Variants in GIT1 observed in about 807,000 individuals in gnomAD.
GIT1 encodes the protein GIT ArfGAP 1, also known as ARF GTPase-activating protein GIT1.
In GIT1, 14 loss-of-function variants were observed where a neutral mutation model predicts 91.7. The observed-to-expected ratio is 0.15, with a 90% confidence interval of 0.10 to 0.24. GIT1 has a LOEUF of 0.24. Among genes scored for constraint, GIT1 ranks in the 10% least tolerant of loss-of-function variants. GIT1 has a pLI of 1.00. For missense variants in GIT1, 717 were observed against 1,024.9 expected, an observed-to-expected ratio of 0.70 and a Z score of 4.10; for synonymous variants, 414 against 418.2, an observed-to-expected ratio of 0.99 and a Z score of 0.12.
Position 29,581,498 on chromosome 17 carries a change from A to G in GIT1, c.719-118T>C. Reference sequence around the variant, plus strand: ...CCAGAAGTGTCAGGGGAAAGTGGGGAGGGCAGGCCACCCCCAAGAATGCTG... The same window carrying G: ...CCAGAAGTGTCAGGGGAAAGTGGGGGGGGCAGGCCACCCCCAAGAATGCTG... On this transcript the variant is annotated intron_variant, in intron 6 of 19. Coordinates refer to ENST00000225394, the MANE Select transcript of GIT1 (RefSeq NM_014030.4). This position sits in a 1 kb window ranked among gnomAD's most constrained non-coding sequence, Gnocchi z 4.8. 1.2e-6 allele frequency: 1 copy of G among 845,538 alleles called. No individual in the cohort carries two copies. Among genetic ancestry groups the G allele is most frequent in the Non-Finnish European group, 2.0e-6 (1 of 499,928 alleles). 52.4% of individuals were successfully genotyped at this position (845,538 alleles called of 1,614,324 possible).
chr17:29,588,853 C>T (rs2033694569), intron 1 of GIT1, among the ~76,000 whole-genome samples: 2 of 152,352 alleles, frequency 1.3e-5, no homozygotes, highest in African/African-American at 4.8e-5. Context: ...ATCTGCCCGG[C>T]CCTCTGCTCC....
In GIT1 at chr17:29,577,171, C is replaced by T. The variant is rs747932714; in HGVS notation, c.1058G>A (p.Arg353Gln). 9 of 1,613,968 alleles carry T rather than the reference C, an allele frequency of 5.6e-6. No individual in the cohort carries two copies. The East Asian group carries it at 8.9e-5, about 16-fold the overall frequency. The change falls in exon 11 of 20, where the codon CGG becomes CAG. Residue 353 changes from arginine to glutamine, a missense_variant. Around this residue, in one of 3 missense-constraint regions of GIT1, gnomAD observed 312 missense variants for 349.5 expected, o/e 0.89. Transcript: ENST00000225394. ...GCTCAGGCTCTTGCCCTGCTGTCTC[C>T]GCTTGGCCTCACTGAGAATGTCGAT... The part of the protein sequence containing the change: ...LIIDILSEAK[R>Q]RQQGKSLSSP...
rs75592407 is a variant in GIT1 at position 29,579,013 on chromosome 17, G to A, written c.762-234C>T. The A allele has an allele frequency of 8.1e-4, 1,311 of 1,612,802 alleles. 15 individuals are homozygous for A. The African/African-American group carries it at 0.015, about 19-fold the overall frequency. On this transcript the variant is annotated intron_variant, in intron 7 of 19. Coordinates refer to ENST00000225394, the MANE Select transcript of GIT1 (RefSeq NM_014030.4). ...TCTAAGTCCAGAGGAAGGCAGCAGA[G>A]GGAAGAACAGGACAGAGGCGGCAGT... is the stretch of plus-strand genomic sequence containing the variant.
rs1399810874 is a variant in GIT1 at position 29,579,001 on chromosome 17, G to T, written c.762-222C>A. 1.9e-6 allele frequency: 3 copies of T among 1,613,712 alleles called. No homozygotes were observed. The East Asian group carries it at 6.7e-5, about 36-fold the overall frequency. On this transcript the variant is annotated intron_variant, in intron 7 of 19. Transcript: ENST00000225394. Reference sequence around the variant, plus strand: ...CTTTTGCCGAGATCTAAGTCCAGAGGAAGGCAGCAGAGGGAAGAACAGGAC... The same window carrying T: ...CTTTTGCCGAGATCTAAGTCCAGAGTAAGGCAGCAGAGGGAAGAACAGGAC...
rs1415390794 is a variant in GIT1, at chr17:29,576,366, C to G, written c.1465G>C (p.Glu489Gln). The change falls in exon 14 of 20, where the codon GAA becomes CAA. Residue 489 changes from glutamate to glutamine, a missense_variant. By Grantham distance (29) the Glu-to-Gln change is conservative. Coordinates refer to ENST00000225394, the MANE Select transcript of GIT1 (RefSeq NM_014030.4). ...CCGCCTGGCGCCATGGGTGTGTGTT[C>G]CGCCCGTTCACTGGGGAGTGGAGGT... is the stretch of plus-strand genomic sequence containing the variant. ...PTPPLPSERA[E>Q]HTPMAPGGST... The G allele has an allele frequency of 6.2e-7, 1 of 1,613,362 alleles. No individual in the cohort carries two copies. The highest frequency in any genetic ancestry group is 8.5e-7 in the Non-Finnish European group (1 of 1,179,984).
rs929489760 is a variant in GIT1 at position 29,578,609 on chromosome 17, A to G, written c.810+122T>C. The G allele has an allele frequency of 9.4e-6, 9 of 952,940 alleles. No homozygotes were observed. The African/African-American group carries it at 1.1e-4, about 12-fold the overall frequency. The allele number at this position is 952,940 out of a possible 1,614,324, so 59.0% of individuals were successfully genotyped here. The stretch of plus-strand genomic sequence containing the variant: ...GGAGAGGGGACTGCTGAGGCCAGTG[A>G]GGGGACAGGTCAAAGACTTGGAAAA... On this transcript the variant is annotated intron_variant, in intron 8 of 19. Coordinates refer to ENST00000225394, the MANE Select transcript of GIT1 (RefSeq NM_014030.4).
Position 29,577,653 on chromosome 17 carries a change from G to T in GIT1, c.973C>A (p.Arg325=), listed in dbSNP as rs1373004605. ...LPVNPEYSAT[R]NQGRQKLARF... ...CAATCCAGCCCCCTCACCTGATTCC[G>T]CGTGGCTGAGTATTCCGGGTTAACA... Residue 325 remains arginine, a synonymous_variant, in exon 10 of 20, where the codon CGG becomes AGG. Transcript: ENST00000225394. The T allele has an allele frequency of 1.2e-6, 2 of 1,601,482 alleles. No individual in the cohort carries two copies. The highest frequency in any genetic ancestry group is 1.7e-5 in the Admixed American group (1 of 59,988).
Position 29,576,066 on chromosome 17 carries a change from C to A in GIT1, c.1665+12G>T. The A allele has an allele frequency of 6.2e-7, 1 of 1,612,836 alleles. No individual in the cohort carries two copies. Among genetic ancestry groups the A allele is most frequent in the Non-Finnish European group, 8.5e-7 (1 of 1,179,114 alleles). On this transcript the variant is annotated intron_variant, in intron 15 of 19. Transcript: ENST00000225394. ...CTACTGGCTAAGATGGACACGCCTTCCCCAGGCTTACCCGGTAAAGGCCAG... is the reference window on the plus strand; with the variant it reads ...CTACTGGCTAAGATGGACACGCCTTACCCAGGCTTACCCGGTAAAGGCCAG...
chr17:29,575,277 C>T lies in GIT1; in HGVS notation c.2009+11G>A. ...AACTGCATCCCCCTCACCTCCCCCT[C>T]CACTCAGTACCTGTCATGCTTGAAC... On this transcript the variant is annotated intron_variant, in intron 18 of 19. Coordinates refer to ENST00000225394, the MANE Select transcript of GIT1 (RefSeq NM_014030.4). The surrounding 1 kb of genome is among the most constrained non-coding windows in gnomAD (Gnocchi z 5.5). The T allele has an allele frequency of 6.2e-7, 1 of 1,605,236 alleles. No homozygotes were observed. Among genetic ancestry groups the T allele is most frequent in the South Asian group, 1.1e-5 (1 of 90,198 alleles).
rs2033725131 is a variant in GIT1, at chr17:29,589,315, C to T, written c.52+12G>A. On this transcript the variant is annotated intron_variant, in intron 1 of 19. Coordinates refer to ENST00000225394, the MANE Select transcript of GIT1 (RefSeq NM_014030.4). The surrounding 1 kb of genome is among the most constrained non-coding windows in gnomAD (Gnocchi z 5.2). ...GGCTGTGCGGTCCCGCCCCCGGCCC[C>T]GCCGCGCTTACCCGGGGCGCTGCAG... 2 of 1,035,832 alleles carry T rather than the reference C, an allele frequency of 1.9e-6. No individual in the cohort carries two copies. The highest frequency in any genetic ancestry group is 2.3e-6 in the Non-Finnish European group (2 of 861,204). 64.2% of individuals were successfully genotyped at this position (1,035,832 alleles called of 1,614,324 possible).
intron 19 of GIT1, 61 bp from the exon 20 acceptor site, chr17:29,574,975 C>A: frequency 6.7e-7 from 1 of 1,494,690 alleles, no homozygotes. Flanking sequence ...AGATCAGGGC[C>A]CAGTTTGTCT....
Position 29,575,008 on chromosome 17 carries a change from C to A in GIT1, c.2073+71G>T. 2 of 1,476,770 alleles carry A rather than the reference C, an allele frequency of 1.4e-6. No homozygotes were observed. Among genetic ancestry groups the A allele is most frequent in the South Asian group, 2.5e-5 (2 of 81,228 alleles). 91.5% of individuals were successfully genotyped at this position (1,476,770 alleles called of 1,614,324 possible). A position where few individuals can be genotyped will look rare whatever the true frequency, so the allele number is the denominator to read the frequency against. ...TCTGTGTCTCCACCCAGGTAGCGAT[C>A]AGATGGGATTCTCCACGCCTGCCCC... On this transcript the variant is annotated intron_variant, in intron 19 of 19. Transcript: ENST00000225394. This position sits in a 1 kb window ranked among gnomAD's most constrained non-coding sequence, Gnocchi z 5.5.
chr17:29,581,274 T>G lies in GIT1; in HGVS notation c.761+64A>C, dbSNP rs1210800338. The G allele has an allele frequency of 3.7e-5, 47 of 1,257,304 alleles. 1 individual carries two copies. In the South Asian group the frequency reaches 3.8e-4, roughly 10 times the overall value. The allele number at this position is 1,257,304 out of a possible 1,614,324, so 77.9% of individuals were successfully genotyped here. ...CCTCTGAAACCTGGGCTGGGAGCTC[T>G]GGGGGTCAGCCACCCACATGGCATC... On this transcript the variant is annotated intron_variant, in intron 7 of 19. Transcript: ENST00000225394. This position sits in a 1 kb window ranked among gnomAD's most constrained non-coding sequence, Gnocchi z 4.8.
chr17:29,578,824 G>A (rs1325129812), intron 7 of GIT1, 45 bp from the exon 8 acceptor site: 1 of 1,597,724 alleles, frequency 6.3e-7, no homozygotes, highest in Non-Finnish European at 8.6e-7. Context: ...GGAGAGACCT[G>A]AGAGGTGGCC....
intron 1 of GIT1, among the ~76,000 whole-genome samples, chr17:29,585,477 T>C (rs2033564477): frequency 6.6e-6 from 1 of 152,096 alleles, no homozygotes; most frequent in Non-Finnish European, 1.5e-5. Context: ...AGACCAGATG[T>C]GGTGAGTGAC....
intron 8 of GIT1, 133 bp downstream of exon 8, chr17:29,578,598 T>G: frequency 1.1e-6 from 1 of 902,474 alleles, no homozygotes; most frequent in South Asian, 1.3e-5. Flanking sequence ...AGGGGACTGC[T>G]GAGGCCAGTG....
In GIT1 at chr17:29,575,038, C is replaced by A; in HGVS notation, c.2073+41G>T. 2 of 1,521,180 alleles carry A rather than the reference C, an allele frequency of 1.3e-6. No homozygotes were observed. Among genetic ancestry groups the A allele is most frequent in the Non-Finnish European group, 9.0e-7 (1 of 1,115,426 alleles). 94.2% of individuals were successfully genotyped at this position (1,521,180 alleles called of 1,614,324 possible). A position where few individuals can be genotyped will look rare whatever the true frequency, so the allele number is the denominator to read the frequency against. The stretch of plus-strand genomic sequence containing the variant: ...GGGATTCTCCACGCCTGCCCCAGCT[C>A]GAGGCCCTCCCACTCCTGGTCCTCT... On this transcript the variant is annotated intron_variant, in intron 19 of 19. Transcript: ENST00000225394. This position sits in a 1 kb window ranked among gnomAD's most constrained non-coding sequence, Gnocchi z 5.5.
Position 29,575,487 on chromosome 17 carries a change from G to A in GIT1, c.1827-17C>T, listed in dbSNP as rs1283833492. ...CCTTCCAGCCTGAGGCCCAGGTCCA[G>A]AAAACAGAGACAAAGATACATATAG... On this transcript the variant is annotated splice_polypyrimidine_tract_variant and intron_variant, in intron 17 of 19. Coordinates refer to ENST00000225394, the MANE Select transcript of GIT1 (RefSeq NM_014030.4). The surrounding 1 kb of genome is among the most constrained non-coding windows in gnomAD (Gnocchi z 5.5). The A allele has an allele frequency of 6.3e-7, 1 of 1,593,440 alleles. No individual in the cohort carries two copies. Among genetic ancestry groups the A allele is most frequent in the East Asian group, 2.2e-5 (1 of 44,650 alleles).
chr17:29,586,578 C>T (rs2033600525), intron 1 of GIT1, among the ~76,000 whole-genome samples: 1 of 150,324 alleles, frequency 6.7e-6, no homozygotes, highest in Non-Finnish European at 1.5e-5. Context: ...ACATTTGTCC[C>T]ACTCTGCAAT....
Sources: gnomAD v4.1 joint callset for allele counts (sites outside exome capture counted in the v4.1 genomes callset) on GRCh38, gnomAD v4.1.1 for gene constraint, gnomAD v4.1.1 regional missense constraint, Gnocchi (gnomAD v3.1) non-coding constraint, MANE v1.5 for transcripts, NCBI Gene and HGNC (gene_info 2026-07-23, HGNC 2026-07-21) for gene names.